WWOX: variants seen among roughly 807,000 people sequenced by gnomAD.
WWOX encodes WW domain-containing oxidoreductase.
In WWOX, 69 loss-of-function variants were observed where a neutral mutation model predicts 46.2. The ratio of observed to expected loss-of-function variants is 1.49; its 90% CI spans 1.23 to 1.82. The LOEUF is 1.82. Ranked by LOEUF, WWOX falls within the 40% of genes most tolerant of loss-of-function variation. The pLI is 0.00. For missense variants in WWOX, 919 were observed against 542.6 expected (o/e 1.69, Z -6.89); for synonymous variants, 359 against 202.6 (o/e 1.77, Z -6.56).
At position 78,154,018 on chromosome 16, in the gene WWOX, G is replaced by A. The variant is rs953578397; in HGVS notation, c.410-10165G>A. Among the ~76,000 whole-genome samples, 3 of 152,182 alleles carry A rather than the reference G, an allele frequency of 2.0e-5. No individual in the cohort carries two copies. The East Asian group carries it at 5.8e-4, about 30-fold the overall frequency. ...CCCCACCTGTCCAACCTACCAGTGA[G>A]TCTCATGGTGTGCGGCTGCCTGCTC... On this transcript the variant is annotated intron_variant, in intron 4 of 8. Coordinates refer to ENST00000566780, the MANE Select transcript of WWOX (RefSeq NM_016373.4).
chr16:78,633,426 C>G (rs967338768), intron 8 of WWOX, among the ~76,000 whole-genome samples: 6 of 152,162 alleles, frequency 3.9e-5, no homozygotes, highest in African/African-American at 1.4e-4. Context: ...TGTCTTCAAG[C>G]CTGAGCAGGT....
intron 5 of WWOX, among the ~76,000 whole-genome samples, chr16:78,307,119 A>G (rs1478168616): frequency 1.3e-5 from 2 of 152,198 alleles, no homozygotes; most frequent in Admixed American, 6.5e-5. Context: ...CACCGTGGCT[A>G]CTTTGTGGGA....
intron 8 of WWOX, among the ~76,000 whole-genome samples, chr16:78,766,257 G>T (rs2049922625): frequency 6.6e-6 from 1 of 152,220 alleles, no homozygotes; most frequent in African/African-American, 2.4e-5. Flanking sequence ...CTGGTAGAAA[G>T]CCTTGCTCTT....
chr16:78,878,866 G>A (rs571126900), intron 8 of WWOX, among the ~76,000 whole-genome samples: 1 of 133,924 alleles, frequency 7.5e-6, no homozygotes, highest in African/African-American at 2.8e-5. Context: ...GACCAGCCTG[G>A]GCAAGATAGC....
At chr16:78,918,434 T>C (rs974107736) in intron 8 of WWOX, among the ~76,000 whole-genome samples, 1 of 152,058 alleles carries the variant, frequency 6.6e-6, no homozygotes, top group African/African-American at 2.4e-5. Flanking sequence ...CCCTTTATTT[T>C]CTGGCAGGGC....
chr16:78,849,628 C>T (rs2052391802), intron 8 of WWOX, among the ~76,000 whole-genome samples: 1 of 150,800 alleles, frequency 6.6e-6, no homozygotes. Flanking sequence ...GATAGGCCTT[C>T]CTTGGCAAAC....
At chr16:78,658,000 A>C (rs2047120008) in intron 8 of WWOX, among the ~76,000 whole-genome samples, 1 of 151,912 alleles carries the variant, frequency 6.6e-6, no homozygotes, top group African/African-American at 2.4e-5. Flanking sequence ...TTTATCCTGG[A>C]GTTTCTCAAC....
At chr16:78,883,437 C>G (rs2044385455) in intron 8 of WWOX, among the ~76,000 whole-genome samples, 1 of 152,074 alleles carries the variant, frequency 6.6e-6, no homozygotes, top group Non-Finnish European at 1.5e-5. Context: ...CATAAGCATA[C>G]CATGGGCTGG....
Position 78,880,991 on chromosome 16 carries a change from T to C in WWOX, c.1057-330617T>C, listed in dbSNP as rs866873289. On this transcript the variant is annotated intron_variant, in intron 8 of 8. Coordinates refer to ENST00000566780, the MANE Select transcript of WWOX (RefSeq NM_016373.4). ...CCCTAAAGCTTCTGGTAATTTTTTT[T>C]CTTTTTTTTTTTTTTTTTTGAGACA... Among the ~76,000 whole-genome samples, 83 of 110,526 alleles carry C rather than the reference T, an allele frequency of 7.5e-4. No individual in the cohort carries two copies. The South Asian group carries it at 0.016, about 22-fold the overall frequency. The allele number at this position is 110,526 out of a possible 152,430, so 72.5% of individuals were successfully genotyped here. A position where few individuals can be genotyped will look rare whatever the true frequency, so the allele number is the denominator to read the frequency against.
intron 8 of WWOX, among the ~76,000 whole-genome samples, chr16:79,070,648 G>C (rs554708457): frequency 2.0e-5 from 3 of 152,176 alleles, no homozygotes; most frequent in Admixed American, 6.5e-5. Flanking sequence ...AGTTCAGGGC[G>C]TGAGAGGGTA....
In WWOX at chr16:78,943,163, A is replaced by G. The variant is rs558590965; in HGVS notation, c.1057-268445A>G. Among the ~76,000 whole-genome samples the G allele has an allele frequency of 1.4e-4, 21 of 152,330 alleles. No individual in the cohort carries two copies. In the East Asian group the frequency reaches 3.5e-3, roughly 25 times the overall value. The stretch of plus-strand genomic sequence containing the variant: ...GGTGGGTTCTTAAATAATAGTTGTC[A>G]TTTGAGTGCTTTCTATATGATGTAC... On this transcript the variant is annotated intron_variant, in intron 8 of 8. Coordinates refer to ENST00000566780, the MANE Select transcript of WWOX (RefSeq NM_016373.4).
intron 5 of WWOX, among the ~76,000 whole-genome samples, chr16:78,294,610 G>T (rs2079913467): frequency 1.3e-5 from 2 of 150,082 alleles, no homozygotes; most frequent in South Asian, 4.2e-4. Context: ...TCCCCACTAG[G>T]CTGTGAGGTC....
Position 78,385,462 on chromosome 16 carries a change from C to T in WWOX, c.517-1398C>T, listed in dbSNP as rs28564898. 6.4e-4 allele frequency among the ~76,000 whole-genome samples: 97 copies of T among 152,284 alleles called. 1 individual carries two copies. The highest frequency in any genetic ancestry group is 2.2e-3 in the African/African-American group (93 of 41,574). On this transcript the variant is annotated intron_variant, in intron 5 of 8. Transcript: ENST00000566780. ...AACCTATGAGTAGATGACTAATATT[C>T]ATCTTTTACAGATAAGGAAACTGAG...
At chr16:78,609,576 C>T (rs1303672627) in intron 8 of WWOX, among the ~76,000 whole-genome samples, 1 of 151,336 alleles carries the variant, frequency 6.6e-6, no homozygotes, top group Non-Finnish European at 1.5e-5. Context: ...TCCTCATACC[C>T]CTCCTAGGAG....
chr16:78,724,027 C>T (rs1232620613), intron 8 of WWOX, among the ~76,000 whole-genome samples: 2 of 152,086 alleles, frequency 1.3e-5, no homozygotes, highest in African/African-American at 4.8e-5. Flanking sequence ...ATGCATAGGA[C>T]TACATGTTTT....
intron 8 of WWOX, among the ~76,000 whole-genome samples, chr16:78,789,260 C>T (rs1373186418): frequency 6.6e-6 from 1 of 152,158 alleles, no homozygotes; most frequent in East Asian, 1.9e-4. Flanking sequence ...CTATTTTCTT[C>T]TCAGACTTTT....
At chr16:78,754,314 G>A (rs2049577765) in intron 8 of WWOX, among the ~76,000 whole-genome samples, 1 of 152,022 alleles carries the variant, frequency 6.6e-6, no homozygotes, top group African/African-American at 2.4e-5. Context: ...AGGCATTCAG[G>A]CTGATTTCAG....
At chr16:78,862,242 C>A (rs142955841) in intron 8 of WWOX, among the ~76,000 whole-genome samples, 1,593 of 150,766 alleles carry the variant, frequency 0.011, 31 homozygotes, top group African/African-American at 0.038. Context: ...CTATACACAC[C>A]TATGGGTGTG....
intron 8 of WWOX, among the ~76,000 whole-genome samples, chr16:79,067,195 G>A (rs999555918): frequency 6.6e-6 from 1 of 152,164 alleles, no homozygotes; most frequent in Non-Finnish European, 1.5e-5. Context: ...GGTGAGATCT[G>A]TCTTTGCTTC....
Sources: allele counts gnomAD v4.1 joint callset (sites outside exome capture counted in the v4.1 genomes callset), GRCh38; gene constraint gnomAD v4.1.1; transcripts MANE v1.5; gene names NCBI Gene and HGNC (gene_info 2026-07-23, HGNC 2026-07-21).